ALB: variants seen among roughly 807,000 people sequenced by gnomAD.
ALB encodes the protein serum albumin.
In ALB, 37 loss-of-function variants were observed where a neutral mutation model predicts 74.5. That is an observed-to-expected ratio of 0.50 (90% CI 0.38 to 0.65). The LOEUF is 0.65. Ranked by LOEUF, ALB falls within the 30% of genes least tolerant of loss-of-function variation. ALB has a pLI of 0.00. For missense variants in ALB, 685 were observed against 718.7 expected, an observed-to-expected ratio of 0.95 and a Z score of 0.54; for synonymous variants, 249 against 251.6, an observed-to-expected ratio of 0.99 and a Z score of 0.10.
In ALB at chr4:73,413,549, G is replaced by A; in HGVS notation, c.973G>A (p.Asp325Asn). 1.9e-6 allele frequency: 3 copies of A among 1,614,176 alleles called. No individual in the cohort carries two copies. Among genetic ancestry groups the A allele is most frequent in the Non-Finnish European group, 2.5e-6 (3 of 1,180,028 alleles). The change falls in exon 8 of 15, where the codon GAC (aspartate) becomes AAC (asparagine). Residue 325 changes from aspartate (D) to asparagine (N), a missense_variant. Physicochemically the swap from Asp to Asn is conservative, Grantham distance 23. Transcript: ENST00000295897. ...AEVENDEMPA[D>N]LPSLAADFVE... is the part of the protein sequence containing the mutation. ...AGTGGAAAATGATGAGATGCCTGCT[G>A]ACTTGCCTTCATTAGCTGCTGATTT...
chr4:73,409,336 T>C lies in ALB; in HGVS notation c.483-19T>C. The C allele has an allele frequency of 6.2e-7, 1 of 1,612,046 alleles. No individual in the cohort carries two copies. Among genetic ancestry groups the C allele is most frequent in the Non-Finnish European group, 8.5e-7 (1 of 1,178,322 alleles). ...TGTCTGCTATAGAAAAGTGACTGTT[T>C]TTCTTTTTCAAAATTTAGATACTTA... On this transcript the variant is annotated intron_variant, in intron 4 of 14. Coordinates refer to ENST00000295897, the MANE Select transcript of ALB (RefSeq NM_000477.7).
Position 73,408,713 on chromosome 4 carries a change from A to C in ALB, c.390A>C (p.Lys130Asn). 6.2e-7 allele frequency: 1 copy of C among 1,614,084 alleles called. No individual in the cohort carries two copies. Among genetic ancestry groups the C allele is most frequent in the Non-Finnish European group, 8.5e-7 (1 of 1,179,944 alleles). The change falls in exon 4 of 15, where the codon AAA becomes AAC. Residue 130 changes from lysine (K) to asparagine (N), a missense_variant. Coordinates refer to ENST00000295897, the MANE Select transcript of ALB (RefSeq NM_000477.7). ...GAAATGAATGCTTCTTGCAACACAA[A>C]GATGACAACCCAAACCTCCCCCGAT... ...PERNECFLQH[K>N]DDNPNLPRLV... is the part of the protein sequence containing the mutation.
intron 3 of ALB, 144 bp from the exon 4 acceptor site, chr4:73,408,450 G>A (rs1368672198): frequency 1.4e-6 from 1 of 707,032 alleles, no homozygotes; most frequent in Non-Finnish European, 2.4e-6. Context: ...ATCAGAAACT[G>A]TAAACCTCGA....
chr4:73,411,783 G>C lies in ALB; in HGVS notation c.714-213G>C, dbSNP rs759375319. ...TTTTTAATTTCTGCTTTTATGACTT[G>C]CTAGATTTCTACCTACCACACACAC... is the stretch of plus-strand genomic sequence containing the variant. On this transcript the variant is annotated intron_variant, in intron 6 of 14. Coordinates refer to ENST00000295897, the MANE Select transcript of ALB (RefSeq NM_000477.7). 7.9e-5 allele frequency among the ~76,000 whole-genome samples: 12 copies of C among 152,196 alleles called. 1 individual carries two copies. The highest frequency in any genetic ancestry group is 6.5e-4 in the Admixed American group (10 of 15,274).
intron 2 of ALB, 112 bp downstream of exon 2, chr4:73,405,285 C>G: frequency 3.3e-6 from 3 of 915,254 alleles, no homozygotes; most frequent in South Asian, 2.9e-5. Context: ...ACAGTGCTGC[C>G]TCGTAGAGTT....
rs760686684 is a variant in ALB, at chr4:73,415,059, G to C, written c.1083G>C (p.Arg361Ser). 73 of 1,613,882 alleles carry C rather than the reference G, an allele frequency of 4.5e-5. No individual in the cohort carries two copies. Among genetic ancestry groups the C allele is most frequent in the Middle Eastern group, 1.6e-4 (1 of 6,084 alleles). ...GGTTTTTGTATGAATATGCAAGAAG[G>C]CATCCTGATTACTCTGTCGTGCTGC... The part of the protein sequence containing the change: ...LGMFLYEYAR[R>S]HPDYSVVLLL... Residue 361 changes from arginine (R) to serine (S), a missense_variant, in exon 9 of 15, where the codon AGG (arginine) becomes AGC (serine). Arg to Ser is a moderately radical substitution (Grantham distance 110). Coordinates refer to ENST00000295897, the MANE Select transcript of ALB (RefSeq NM_000477.7).
chr4:73,411,634 G>T (rs1239556415), intron 6 of ALB, among the ~76,000 whole-genome samples: 1 of 152,190 alleles, frequency 6.6e-6, no homozygotes, highest in African/African-American at 2.4e-5. Flanking sequence ...AGAGGCTGAA[G>T]CTCAGAGAGG....
chr4:73,407,356 A>G (rs1166650594), intron 3 of ALB, among the ~76,000 whole-genome samples: 3 of 152,172 alleles, frequency 2.0e-5, no homozygotes, highest in Admixed American at 6.5e-5. Flanking sequence ...GGTATTATGT[A>G]CTGTTTATCT....
rs1378439904 is a variant in ALB at position 73,412,831 on chromosome 4, A to G, written c.844-589A>G. Among the ~76,000 whole-genome samples, 4 of 152,204 alleles carry G rather than the reference A, an allele frequency of 2.6e-5. No homozygotes were observed. The East Asian group carries it at 5.8e-4, about 22-fold the overall frequency. On this transcript the variant is annotated intron_variant, in intron 7 of 14. Transcript: ENST00000295897. ...TGGAAATGATGTATTTTTCTTCTCT[A>G]TATTCCTTCCCTTAATTAACTCTGT...
Position 73,421,205 on chromosome 4 carries a change from A to G in ALB, c.*137A>G, listed in dbSNP as rs372120040. 1.5e-6 allele frequency: 1 copy of G among 645,694 alleles called. No individual in the cohort carries two copies. The allele number at this position is 645,694 out of a possible 1,614,324, so 40.0% of individuals were successfully genotyped here. On this transcript the variant is annotated 3_prime_UTR_variant, in exon 15 of 15. Transcript: ENST00000295897. Reference sequence around the variant, plus strand: ...CTAAAAAACATAAATTTCTTTAATCATTTTGCCTCTTTTCTCTGTGCTTCA... The same window carrying G: ...CTAAAAAACATAAATTTCTTTAATCGTTTTGCCTCTTTTCTCTGTGCTTCA...
chr4:73,407,329 AG>A (rs1305062580), intron 3 of ALB, among the ~76,000 whole-genome samples: 10 of 152,328 alleles, frequency 6.6e-5, no homozygotes, highest in Admixed American at 6.5e-4. Context: ...TGACTACTTT[AG>A]CTACCTTATA....
At chr4:73,411,535 G>A (rs1343133129) in intron 6 of ALB, among the ~76,000 whole-genome samples, 1 of 152,172 alleles carries the variant, frequency 6.6e-6, no homozygotes, top group African/African-American at 2.4e-5. Flanking sequence ...AGTTTGTGTA[G>A]TACTTCCCAG....
intron 8 of ALB, among the ~76,000 whole-genome samples, chr4:73,414,167 G>A (rs1410074793): frequency 1.3e-5 from 2 of 152,176 alleles, no homozygotes; most frequent in Non-Finnish European, 2.9e-5. Flanking sequence ...TTTACATATT[G>A]TCAGAAGTTG....
intron 7 of ALB, 130 bp from the exon 8 acceptor site, chr4:73,413,290 A>G (rs1718924677): frequency 9.4e-6 from 8 of 849,698 alleles, no homozygotes; most frequent in African/African-American, 1.7e-5. Flanking sequence ...CAAACAGAGT[A>G]TGTTCATAGA....
chr4:73,420,343 T>A (rs772073193), intron 14 of ALB, 22 bp downstream of exon 14: 18 of 1,480,652 alleles, frequency 1.2e-5, no homozygotes, highest in East Asian at 4.8e-5. Flanking sequence ...TTGAATTTTT[T>A]AAAAAAGTAA....
intron 9 of ALB, among the ~76,000 whole-genome samples, chr4:73,415,767 G>A (rs55913680): frequency 0.016 from 2,497 of 152,154 alleles, 84 homozygotes; most frequent in African/African-American, 0.057. Context: ...AATGACCAAC[G>A]TAAAATCTCT....
chr4:73,408,412 A>G (rs1010220215), intron 3 of ALB, among the ~76,000 whole-genome samples, 182 bp from the exon 4 acceptor site: 1 of 152,162 alleles, frequency 6.6e-6, no homozygotes, highest in Non-Finnish European at 1.5e-5. Context: ...GTTAATTCTT[A>G]TGAAAATTAT....
chr4:73,411,842 G>T (rs1306560063), intron 6 of ALB, among the ~76,000 whole-genome samples, 154 bp from the exon 7 acceptor site: 1 of 152,152 alleles, frequency 6.6e-6, no homozygotes, highest in Non-Finnish European at 1.5e-5. Context: ...AAGGATAAGT[G>T]ATTACCATTT....
At chr4:73,410,214 T>A in intron 5 of ALB, 98 bp from the exon 6 acceptor site, 1 of 941,098 alleles carries the variant, frequency 1.1e-6, no homozygotes, top group Non-Finnish European at 1.7e-6. Flanking sequence ...AAATTATGCC[T>A]TCAAAATTTA....
Sources: gnomAD v4.1 joint callset for allele counts (sites outside exome capture counted in the v4.1 genomes callset) on GRCh38, gnomAD v4.1.1 for gene constraint, MANE v1.5 for transcripts, NCBI Gene and HGNC (gene_info 2026-07-23, HGNC 2026-07-21) for gene names.